The following FMNL1 variants were observed in gnomAD, a reference collection of about 807,000 sequenced individuals.
The protein encoded by FMNL1 is formin-like protein 1.
FMNL1 carries 43 observed loss-of-function variants against 121.3 expected under a neutral mutation model. That is an observed-to-expected ratio of 0.35 (90% CI 0.28 to 0.46). The LOEUF (loss-of-function observed/expected upper bound fraction) is 0.46. Among genes scored for constraint, FMNL1 ranks in the 20% least tolerant of loss-of-function variants. FMNL1 has a pLI of 1.00. For synonymous variants in FMNL1, 613 were observed against 613.5 expected, an observed-to-expected ratio of 1.00 and a Z score of 0.01; for missense variants, 1,191 against 1,482.4, an observed-to-expected ratio of 0.80 and a Z score of 3.23.
chr17:45,229,008 G>A (rs2043385514), intron 1 of FMNL1, among the ~76,000 whole-genome samples: 1 of 152,136 alleles, frequency 6.6e-6, no homozygotes, highest in Admixed American at 6.5e-5. Context: ...CAGGGACAGA[G>A]AGACAGAGAA....
chr17:45,237,992 G>A lies in FMNL1; in HGVS notation c.894+353G>A, dbSNP rs988515489. On this transcript the variant is annotated intron_variant, in intron 9 of 26. Transcript: ENST00000331495. This position sits in a 1 kb window ranked among gnomAD's most constrained non-coding sequence, Gnocchi z 4.4. ...TTGCAAGAAGTAGATGTGTGGGGCT[G>A]CATAAGATGCATAAGACAAGATATC... 2.8e-5 allele frequency: 7 copies of A among 247,992 alleles called. No individual in the cohort carries two copies. Among genetic ancestry groups the A allele is most frequent in the Non-Finnish European group, 5.6e-5 (7 of 125,524 alleles). The allele number at this position is 247,992 out of a possible 1,614,324, so 15.4% of individuals were successfully genotyped here.
chr17:45,225,787 C>T (rs1381100752), intron 1 of FMNL1, among the ~76,000 whole-genome samples: 3 of 152,088 alleles, frequency 2.0e-5, no homozygotes, highest in East Asian at 3.9e-4. Flanking sequence ...TTTGTCACTA[C>T]CTGCATGGCC....
chr17:45,227,924 A>G (rs1420070292), intron 1 of FMNL1, among the ~76,000 whole-genome samples: 1 of 152,104 alleles, frequency 6.6e-6, no homozygotes, highest in Non-Finnish European at 1.5e-5. Flanking sequence ...CAGGTCCTCC[A>G]TGTGGCAGCT....
intron 1 of FMNL1, among the ~76,000 whole-genome samples, chr17:45,224,871 G>C (rs1238796808): frequency 2.0e-5 from 3 of 152,250 alleles, no homozygotes; most frequent in African/African-American, 4.8e-5. Context: ...GTGATGGTGG[G>C]AACACCAGCC....
intron 1 of FMNL1, among the ~76,000 whole-genome samples, chr17:45,229,967 C>T (rs974308784): frequency 1.2e-4 from 18 of 152,342 alleles, no homozygotes; most frequent in South Asian, 4.1e-4. Flanking sequence ...CTGACATGGC[C>T]GCCCTCAGCT....
In FMNL1 at chr17:45,233,125, T is replaced by C; in HGVS notation, c.328-99T>C. On this transcript the variant is annotated intron_variant, in intron 3 of 26. Transcript: ENST00000331495. This position sits in a 1 kb window ranked among gnomAD's most constrained non-coding sequence, Gnocchi z 4.1. ...GAGCATGAAAGGCCACTTGTGCCAG[T>C]TGGAGGAGGGTGGGCGCTGCTGCCT... is the stretch of plus-strand genomic sequence containing the variant. 1 of 1,208,678 alleles carries C rather than the reference T, an allele frequency of 8.3e-7. No homozygotes were observed. Among genetic ancestry groups the C allele is most frequent in the Non-Finnish European group, 1.2e-6 (1 of 837,646 alleles). 74.9% of individuals were successfully genotyped at this position (1,208,678 alleles called of 1,614,324 possible). A position where few individuals can be genotyped will look rare whatever the true frequency, so the allele number is the denominator to read the frequency against.
At chr17:45,227,200 T>C (rs1049144423) in intron 1 of FMNL1, among the ~76,000 whole-genome samples, 5 of 151,980 alleles carry the variant, frequency 3.3e-5, no homozygotes, top group African/African-American at 9.7e-5. Flanking sequence ...GGCTAGGCCA[T>C]AGGGAGAGAT....
intron 21 of FMNL1, 61 bp from the exon 22 acceptor site, chr17:45,245,192 A>G (rs892447711): frequency 6.2e-6 from 10 of 1,612,704 alleles, no homozygotes; most frequent in South Asian, 1.1e-5. Flanking sequence ...CACAGTATAT[A>G]ATTGGTGGGA....
intron 24 of FMNL1, 77 bp downstream of exon 24, chr17:45,246,050 C>T: frequency 6.6e-7 from 1 of 1,516,940 alleles, no homozygotes; most frequent in Non-Finnish European, 8.8e-7. Flanking sequence ...GCCACCCCCA[C>T]ACCCTCACTG....
At chr17:45,228,799 G>A (rs774891507) in intron 1 of FMNL1, among the ~76,000 whole-genome samples, 21 of 151,518 alleles carry the variant, frequency 1.4e-4, no homozygotes, top group Admixed American at 2.0e-4. Flanking sequence ...GTGGCTCTGT[G>A]CTGGGCTCAG....
chr17:45,228,128 C>G (rs923056005), intron 1 of FMNL1, among the ~76,000 whole-genome samples: 1 of 152,200 alleles, frequency 6.6e-6, no homozygotes, highest in African/African-American at 2.4e-5. Context: ...CCTCACTCCA[C>G]CCCGAGTGAG....
chr17:45,243,178 G>C lies in FMNL1; in HGVS notation c.2071G>C (p.Asp691His). Reference sequence around the variant, plus strand: ...GACCAAGTCCCAAGGCCCCAGCCTGGACCTCAGCGCTCTCAAGAGTAAGGC... The same window carrying C: ...GACCAAGTCCCAAGGCCCCAGCCTGCACCTCAGCGCTCTCAAGAGTAAGGC... ...FKTKSQGPSL[D>H]LSALKSKAAQ... is the part of the protein sequence containing the mutation. The change falls in exon 17 of 27, where the codon GAC becomes CAC. Residue 691 changes from aspartate (D) to histidine (H), a missense_variant. This residue lies in a region of FMNL1 where 519 missense variants were observed against 492.8 expected (regional missense o/e 1.05). Transcript: ENST00000331495. 6.2e-7 allele frequency: 1 copy of C among 1,614,236 alleles called. No individual in the cohort carries two copies. The highest frequency in any genetic ancestry group is 8.5e-7 in the Non-Finnish European group (1 of 1,180,042).
chr17:45,230,802 C>G, intron 2 of FMNL1, 115 bp downstream of exon 2: 1 of 1,140,306 alleles, frequency 8.8e-7, no homozygotes, highest in Non-Finnish European at 1.2e-6. Context: ...AGCCAAGACT[C>G]TGCTCAGTGG....
chr17:45,243,485 G>T (rs1055548775), intron 17 of FMNL1, among the ~76,000 whole-genome samples, 165 bp downstream of exon 17: 7 of 152,196 alleles, frequency 4.6e-5, no homozygotes, highest in African/African-American at 1.4e-4. Flanking sequence ...AGAAAACTCA[G>T]TCCATGCCTA....
chr17:45,230,440 C>A (rs1025360916), intron 1 of FMNL1, among the ~76,000 whole-genome samples, 164 bp from the exon 2 acceptor site: 1 of 152,084 alleles, frequency 6.6e-6, no homozygotes, highest in Non-Finnish European at 1.5e-5. Context: ...CTCTCTTGGC[C>A]TTGGTCTTCT....
intron 10 of FMNL1, 61 bp downstream of exon 10, chr17:45,238,699 G>A (rs1242178212): frequency 4.4e-6 from 7 of 1,598,774 alleles, no homozygotes; most frequent in Non-Finnish European, 6.0e-6. Context: ...GCAGGGAGCA[G>A]CTAGGGTCCT....
At position 45,243,769 on chromosome 17, in the gene FMNL1, T is replaced by TC. The variant is rs148920168; in HGVS notation, c.2214-18dup. On this transcript the variant is annotated intron_variant, in intron 17 of 26. Coordinates refer to ENST00000331495, the MANE Select transcript of FMNL1 (RefSeq NM_005892.4). ...TGGTGGGTATGGATGATGCCCAATC[T>TC]CCCCTCTCCTCCCTCTCACAGGTAC... The TC allele has an allele frequency of 7.2e-4, 1,143 of 1,597,198 alleles. 8 individuals carry two copies. The African/African-American group carries it at 0.014, about 19-fold the overall frequency.
At chr17:45,243,008 C>G in intron 16 of FMNL1, 110 bp from the exon 17 acceptor site, 1 of 1,196,148 alleles carries the variant, frequency 8.4e-7, no homozygotes, top group Non-Finnish European at 1.2e-6. Flanking sequence ...TACTGGTTCT[C>G]TGCTGGTGGC....
Position 45,233,949 on chromosome 17 carries a change from C to T in FMNL1, c.486-123C>T. ...ACTATGTTCAGCACAGTGCCAAGAACACAGCCTCCTCCTCCTGCTCCTTAG... is the reference window on the plus strand; with the variant it reads ...ACTATGTTCAGCACAGTGCCAAGAATACAGCCTCCTCCTCCTGCTCCTTAG... On this transcript the variant is annotated intron_variant, in intron 5 of 26. Transcript: ENST00000331495. This position sits in a 1 kb window ranked among gnomAD's most constrained non-coding sequence, Gnocchi z 4.1. 1.4e-6 allele frequency: 2 copies of T among 1,434,046 alleles called. No individual in the cohort carries two copies. The highest frequency in any genetic ancestry group is 1.9e-6 in the Non-Finnish European group (2 of 1,068,814). The allele number at this position is 1,434,046 out of a possible 1,614,324, so 88.8% of individuals were successfully genotyped here.
Sources: gnomAD v4.1 joint callset for allele counts (sites outside exome capture counted in the v4.1 genomes callset) on GRCh38, gnomAD v4.1.1 for gene constraint, gnomAD v4.1.1 regional missense constraint, Gnocchi (gnomAD v3.1) non-coding constraint, MANE v1.5 for transcripts, NCBI Gene and HGNC (gene_info 2026-07-23, HGNC 2026-07-21) for gene names.